The following RBFOX1 variants were observed in gnomAD, a reference collection of about 807,000 sequenced individuals.
RBFOX1 encodes RNA binding protein fox-1 homolog 1.
RBFOX1 carries 8 observed loss-of-function variants against 57.7 expected under a neutral mutation model. The ratio of observed to expected loss-of-function variants is 0.14; its 90% CI spans 0.08 to 0.25. RBFOX1 has a LOEUF of 0.25. Among genes scored for constraint, RBFOX1 ranks in the 10% least tolerant of loss-of-function variants. The pLI, the probability that RBFOX1 is intolerant of heterozygous loss-of-function variation, is 1.00. For missense variants in RBFOX1, 611 were observed against 548.5 expected, an observed-to-expected ratio of 1.11 and a Z score of -1.14; for synonymous variants, 326 against 222.4, an observed-to-expected ratio of 1.47 and a Z score of -4.15.
chr16:6,846,038 C>G (rs925189994), intron 3 of RBFOX1, among the ~76,000 whole-genome samples: 10 of 152,202 alleles, frequency 6.6e-5, no homozygotes, highest in Non-Finnish European at 1.5e-4. Context: ...ATATTTCTGT[C>G]CCTCAACAAG....
At chr16:6,456,908 G>A (rs955470483) in intron 2 of RBFOX1, among the ~76,000 whole-genome samples, 1 of 152,082 alleles carries the variant, frequency 6.6e-6, no homozygotes, top group East Asian at 1.9e-4. Context: ...GAAAGTATTG[G>A]GTCTTAGTGA....
At chr16:6,708,867 G>A (rs1389091633) in intron 3 of RBFOX1, among the ~76,000 whole-genome samples, 1 of 152,186 alleles carries the variant, frequency 6.6e-6, no homozygotes, top group Non-Finnish European at 1.5e-5. Flanking sequence ...TCAGGCACCA[G>A]AAGTTTGCTT....
chr16:5,765,613 G>A (rs1323982475), intron 3 of RBFOX1, among the ~76,000 whole-genome samples: 1 of 152,146 alleles, frequency 6.6e-6, no homozygotes, highest in African/African-American at 2.4e-5. Flanking sequence ...TGGCTGCTAT[G>A]GATTCTCTGC....
At chr16:6,898,833 A>T (rs572530538) in intron 3 of RBFOX1, among the ~76,000 whole-genome samples, 1 of 150,958 alleles carries the variant, frequency 6.6e-6, no homozygotes, top group South Asian at 2.1e-4. Flanking sequence ...ACATGTGTGT[A>T]TGTGTGTGCA....
At chr16:6,079,015 T>G (rs2095955733) in intron 1 of RBFOX1, among the ~76,000 whole-genome samples, 1 of 152,180 alleles carries the variant, frequency 6.6e-6, no homozygotes, top group African/African-American at 2.4e-5. Flanking sequence ...AGTGTAAAAG[T>G]CATTTTTCTC....
chr16:6,731,886 A>G lies in RBFOX1; in HGVS notation c.-16+77236A>G, dbSNP rs192860806. On this transcript the variant is annotated intron_variant, in intron 3 of 15. Transcript: ENST00000550418. ...CTAGGGGAATCCAAACAAACAAAGTATCTGGGTCTTCCTATGTTTTCTTGC... is the reference window on the plus strand; with the variant it reads ...CTAGGGGAATCCAAACAAACAAAGTGTCTGGGTCTTCCTATGTTTTCTTGC... Among the ~76,000 whole-genome samples the G allele has an allele frequency of 4.5e-3, 691 of 152,310 alleles. 4 individuals are homozygous for G. The highest frequency in any genetic ancestry group is 6.8e-3 in the Non-Finnish European group (464 of 68,022).
intron 1 of RBFOX1, among the ~76,000 whole-genome samples, chr16:6,175,884 G>A (rs188477990): frequency 1.3e-5 from 2 of 152,248 alleles, no homozygotes; most frequent in African/African-American, 4.8e-5. Flanking sequence ...TGAGGCAGAG[G>A]TTTGCAACCT....
chr16:6,048,500 C>T (rs141140578), intron 1 of RBFOX1, among the ~76,000 whole-genome samples: 80 of 152,212 alleles, frequency 5.3e-4, no homozygotes, highest in African/African-American at 1.7e-3. Context: ...GATTAAAGTA[C>T]GTGCCTTTTC....
chr16:7,144,217 C>T (rs564436178), intron 4 of RBFOX1, among the ~76,000 whole-genome samples: 35 of 152,086 alleles, frequency 2.3e-4, no homozygotes, highest in African/African-American at 8.4e-4. Flanking sequence ...TAAAGATTTC[C>T]TCATTTTGAG....
intron 11 of RBFOX1, among the ~76,000 whole-genome samples, chr16:7,648,631 T>G (rs112548376): frequency 6.6e-6 from 1 of 152,154 alleles, no homozygotes; most frequent in Non-Finnish European, 1.5e-5. Context: ...TGGTTGCACA[T>G]AATTATTTTA....
At chr16:5,386,424 G>T (rs903324631) in intron 1 of RBFOX1, among the ~76,000 whole-genome samples, 35 of 152,070 alleles carry the variant, frequency 2.3e-4, no homozygotes, top group Admixed American at 3.3e-4. Flanking sequence ...GCTGAGCCAC[G>T]CAAGAGGGCT....
chr16:6,691,177 G>C lies in RBFOX1; in HGVS notation c.-16+36527G>C, dbSNP rs906754897. ...ATGTCTTTTGTATCAAAAAGTGTCT[G>C]CTATTAGCTGTGGGGGAGCTAGATG... On this transcript the variant is annotated intron_variant, in intron 3 of 15. Coordinates refer to ENST00000550418, the MANE Select transcript of RBFOX1 (RefSeq NM_018723.4). 7.2e-5 allele frequency among the ~76,000 whole-genome samples: 11 copies of C among 152,256 alleles called. No homozygotes were observed. In the South Asian group the frequency reaches 2.3e-3, roughly 32 times the overall value.
At chr16:6,350,444 G>GAAAAAAAAAAAAAAA (rs569363563) in intron 2 of RBFOX1, among the ~76,000 whole-genome samples, 4 of 74,618 alleles carry the variant, frequency 5.4e-5, no homozygotes, top group African/African-American at 1.2e-4. Flanking sequence ...TCTGTCTCAA[G>GAAAAAAAAAAAAAAA]AAAAAAAAAA....
intron 3 of RBFOX1, among the ~76,000 whole-genome samples, chr16:6,984,756 T>G (rs1009339307): frequency 1.3e-5 from 2 of 152,138 alleles, no homozygotes; most frequent in African/African-American, 4.8e-5. Context: ...TTCTCCTGCC[T>G]CAGCCTCCTG....
At chr16:6,820,191 A>G (rs1357317514) in intron 3 of RBFOX1, among the ~76,000 whole-genome samples, 2 of 152,084 alleles carry the variant, frequency 1.3e-5, no homozygotes, top group Admixed American at 6.6e-5. Flanking sequence ...TTCACCTTCC[A>G]TCGTGATTGT....
At chr16:6,758,505 C>T (rs912804775) in intron 3 of RBFOX1, among the ~76,000 whole-genome samples, 2 of 151,988 alleles carry the variant, frequency 1.3e-5, no homozygotes, top group Non-Finnish European at 2.9e-5. Flanking sequence ...CGTGAGAGTC[C>T]AGCCTAGAAT....
In RBFOX1 at chr16:6,651,062, C is replaced by G. The variant is rs147945796; in HGVS notation, c.-63-3541C>G. On this transcript the variant is annotated intron_variant, in intron 2 of 15. Transcript: ENST00000550418. Reference sequence around the variant, plus strand: ...GGATTACAGGCGTGCACCAACAAGCCCAGCTAATTCTGTATGTTTAGTGGA... The same window carrying G: ...GGATTACAGGCGTGCACCAACAAGCGCAGCTAATTCTGTATGTTTAGTGGA... Among the ~76,000 whole-genome samples the G allele has an allele frequency of 4.9e-3, 740 of 152,240 alleles. 11 individuals carry two copies. The highest frequency in any genetic ancestry group is 0.016 in the African/African-American group (671 of 41,550).
At chr16:6,265,537 C>T (rs1251288953) in intron 1 of RBFOX1, among the ~76,000 whole-genome samples, 1 of 152,208 alleles carries the variant, frequency 6.6e-6, no homozygotes, top group Non-Finnish European at 1.5e-5. Context: ...GCTGGGATTA[C>T]AGGTATGAGC....
At chr16:7,308,611 T>C (rs2096246304) in intron 4 of RBFOX1, among the ~76,000 whole-genome samples, 1 of 152,222 alleles carries the variant, frequency 6.6e-6, no homozygotes, top group Admixed American at 6.5e-5. Flanking sequence ...AAGTGGTTTG[T>C]ACAAAGGGTA....
Sources: gnomAD v4.1 joint callset for allele counts (sites outside exome capture counted in the v4.1 genomes callset) on GRCh38, gnomAD v4.1.1 for gene constraint, MANE v1.5 for transcripts, NCBI Gene and HGNC (gene_info 2026-07-23, HGNC 2026-07-21) for gene names.